Variants in NELL1 observed in about 807,000 individuals in gnomAD.
The protein encoded by NELL1 is protein kinase C-binding protein NELL1.
A neutral mutation model predicts 107.4 loss-of-function variants in NELL1; 76 were observed. The observed-to-expected ratio is 0.71, with a 90% confidence interval of 0.59 to 0.86. The LOEUF is 0.86. Ranked by LOEUF, NELL1 falls within the 40% of genes least tolerant of loss-of-function variation. The pLI is 0.00. For missense variants in NELL1, 1,024 were observed against 1,005.5 expected (o/e 1.02, Z -0.25); for synonymous variants, 353 against 341.2 (o/e 1.03, Z -0.38).
chr11:21,460,073 G>A (rs1853861592), intron 15 of NELL1, among the ~76,000 whole-genome samples: 1 of 152,148 alleles, frequency 6.6e-6, no homozygotes, highest in Admixed American at 6.6e-5. Context: ...GAGGGATTCT[G>A]TGAAGAGGTG....
At chr11:20,892,925 T>C (rs1345039500) in intron 5 of NELL1, among the ~76,000 whole-genome samples, 15 of 102,418 alleles carry the variant, frequency 1.5e-4, no homozygotes, top group Non-Finnish European at 1.9e-4. Flanking sequence ...AGAGACTGTG[T>C]CTCAAAAAAA....
chr11:21,074,247 G>A (rs536243732), intron 12 of NELL1, among the ~76,000 whole-genome samples: 50 of 152,168 alleles, frequency 3.3e-4, no homozygotes, highest in Non-Finnish European at 5.7e-4. Flanking sequence ...GCATATTAAC[G>A]AGACTCCTGG....
At chr11:21,552,895 C>T (rs558737617) in intron 16 of NELL1, among the ~76,000 whole-genome samples, 1 of 151,878 alleles carries the variant, frequency 6.6e-6, no homozygotes, top group Admixed American at 6.6e-5. Flanking sequence ...TTGGAAAAGC[C>T]TTGACTTCCC....
chr11:21,021,770 C>A (rs1286519722), intron 12 of NELL1, among the ~76,000 whole-genome samples: 1 of 152,036 alleles, frequency 6.6e-6, no homozygotes, highest in Non-Finnish European at 1.5e-5. Flanking sequence ...CTCTTGAATT[C>A]CAAATGGGCT....
At chr11:21,219,305 ATTTGCCAAT>A (rs1012237901) in intron 13 of NELL1, among the ~76,000 whole-genome samples, 6 of 152,138 alleles carry the variant, frequency 3.9e-5, no homozygotes, top group African/African-American at 1.4e-4. Context: ...TGTTCAGATT[ATTTGCCAAT>A]TTTTATTTTG....
chr11:21,509,714 T>A (rs1855385905), intron 15 of NELL1, among the ~76,000 whole-genome samples: 1 of 152,200 alleles, frequency 6.6e-6, no homozygotes, highest in African/African-American at 2.4e-5. Context: ...TCTAGGAAGA[T>A]GTCATCAGAT....
In NELL1 at chr11:21,179,648, G is replaced by C. The variant is rs115849429; in HGVS notation, c.1427-49684G>C. On this transcript the variant is annotated intron_variant, in intron 13 of 19. Coordinates refer to ENST00000357134, the MANE Select transcript of NELL1 (RefSeq NM_006157.5). Reference sequence around the variant, plus strand: ...TCACTTGGCTAAGAACAAAATCAAAGAGCAAGAAAAATATACTCCATCCAA... The same window carrying C: ...TCACTTGGCTAAGAACAAAATCAAACAGCAAGAAAAATATACTCCATCCAA... Among the ~76,000 whole-genome samples, 817 of 151,908 alleles carry C rather than the reference G, an allele frequency of 5.4e-3. 27 individuals carry two copies. Among genetic ancestry groups the C allele is most frequent in the African/African-American group, 0.019 (778 of 41,234 alleles).
chr11:21,032,879 G>A (rs1477326853), intron 12 of NELL1, among the ~76,000 whole-genome samples: 1 of 152,078 alleles, frequency 6.6e-6, no homozygotes, highest in African/African-American at 2.4e-5. Flanking sequence ...TTTCTTCCTG[G>A]CTTGCTTTCC....
chr11:20,964,586 A>G (rs1018536354), intron 12 of NELL1, among the ~76,000 whole-genome samples: 3 of 152,172 alleles, frequency 2.0e-5, no homozygotes, highest in African/African-American at 7.2e-5. Context: ...GAAATGAAGT[A>G]AAAAGATGAT....
At chr11:21,487,083 A>G (rs992881534) in intron 15 of NELL1, among the ~76,000 whole-genome samples, 1 of 152,196 alleles carries the variant, frequency 6.6e-6, no homozygotes, top group Non-Finnish European at 1.5e-5. Flanking sequence ...CAAGTCAGGC[A>G]AAAGATTTAG....
At chr11:21,560,480 A>G in intron 17 of NELL1, 98 bp downstream of exon 17, 1 of 1,116,780 alleles carries the variant, frequency 9.0e-7, no homozygotes, top group Non-Finnish European at 1.3e-6. Flanking sequence ...TGTTGACTGT[A>G]GTTCCTGAAC....
chr11:21,386,845 T>TA (rs1027065287), intron 15 of NELL1, among the ~76,000 whole-genome samples: 1 of 151,914 alleles, frequency 6.6e-6, no homozygotes, highest in African/African-American at 2.4e-5. Flanking sequence ...AATACTTCCC[T>TA]AGTCTCTGAA....
rs1278722583 is a variant in NELL1, at chr11:20,783,273, A to G, written c.185-407A>G. Among the ~76,000 whole-genome samples the G allele has an allele frequency of 2.0e-5, 3 of 152,332 alleles. No homozygotes were observed. In the East Asian group the frequency reaches 5.8e-4, roughly 29 times the overall value. On this transcript the variant is annotated intron_variant, in intron 2 of 19. Transcript: ENST00000357134. ...CAAGATTCTCTGAATTTAGGACCAC[A>G]TTTATCCGACTACCTCTCACCTTAT...
intron 12 of NELL1, among the ~76,000 whole-genome samples, chr11:20,961,436 G>A (rs1590467005): frequency 6.6e-6 from 1 of 152,028 alleles, no homozygotes; most frequent in African/African-American, 2.4e-5. Flanking sequence ...AATTATTCCT[G>A]CTGTCTTCAT....
At chr11:20,750,428 G>A (rs1856106344) in intron 2 of NELL1, among the ~76,000 whole-genome samples, 1 of 151,762 alleles carries the variant, frequency 6.6e-6, no homozygotes, top group Non-Finnish European at 1.5e-5. Context: ...TTTTGATGAA[G>A]CCCAGTATAT....
intron 14 of NELL1, among the ~76,000 whole-genome samples, chr11:21,298,759 A>C (rs754102503): frequency 3.3e-5 from 5 of 152,000 alleles, no homozygotes; most frequent in African/African-American, 4.8e-5. Context: ...AAATATTTGC[A>C]TGCCCCTCAG....
chr11:20,815,940 C>G (rs1857614366), intron 3 of NELL1, among the ~76,000 whole-genome samples: 1 of 151,998 alleles, frequency 6.6e-6, no homozygotes, highest in South Asian at 2.1e-4. Flanking sequence ...TTTTTGTCAA[C>G]TTTACCAAAG....
intron 12 of NELL1, among the ~76,000 whole-genome samples, chr11:21,009,162 C>T (rs974135676): frequency 2.6e-5 from 4 of 152,226 alleles, no homozygotes; most frequent in East Asian, 1.9e-4. Context: ...CTCTGATTCA[C>T]GGCTGCCTCC....
chr11:20,820,398 T>G (rs1462114607), intron 3 of NELL1, among the ~76,000 whole-genome samples: 1 of 152,136 alleles, frequency 6.6e-6, no homozygotes, highest in East Asian at 1.9e-4. Context: ...GCTGGGGAGA[T>G]TGAGATGTAC....
Sources: gnomAD v4.1 joint callset for allele counts (sites outside exome capture counted in the v4.1 genomes callset) on GRCh38, gnomAD v4.1.1 for gene constraint, MANE v1.5 for transcripts, NCBI Gene and HGNC (gene_info 2026-07-23, HGNC 2026-07-21) for gene names.